The following PKHD1 variants were observed in gnomAD, a reference collection of about 807,000 sequenced individuals.
PKHD1 encodes fibrocystin.
Under a neutral mutation model 412.0 loss-of-function variants are expected in PKHD1, and 291 were observed. That is an observed-to-expected ratio of 0.71 (90% CI 0.64 to 0.78). PKHD1 has a LOEUF of 0.78. PKHD1 is among the 30% of genes least tolerant of loss of function. The pLI, the probability that PKHD1 is intolerant of heterozygous loss-of-function variation, is 0.00. For missense variants in PKHD1, 4,825 were observed against 4,950.7 expected (o/e 0.97, Z 0.76); for synonymous variants, 1,777 against 1,821.5 (o/e 0.98, Z 0.62).
intron 1 of PKHD1, among the ~76,000 whole-genome samples, chr6:52,085,897 G>T (rs1812701259): frequency 6.6e-6 from 1 of 152,028 alleles, no homozygotes; most frequent in Non-Finnish European, 1.5e-5. Flanking sequence ...GCACCTCATG[G>T]CAGAGGGCAT....
At chr6:51,919,948 G>A (rs1166111888) in intron 37 of PKHD1, among the ~76,000 whole-genome samples, 4 of 152,228 alleles carry the variant, frequency 2.6e-5, no homozygotes. Context: ...TGGTGTATAA[G>A]AATGCTTGTG....
At chr6:52,038,012 G>C (rs1804210738) in intron 27 of PKHD1, among the ~76,000 whole-genome samples, 1 of 152,114 alleles carries the variant, frequency 6.6e-6, no homozygotes, top group East Asian at 1.9e-4. Flanking sequence ...GATCTTAGCA[G>C]ATGTAATTAA....
Position 52,024,591 on chromosome 6 carries a change from G to A in PKHD1, c.5219C>T (p.Ala1740Val). 6.2e-7 allele frequency: 1 copy of A among 1,614,066 alleles called. No homozygotes were observed. Among genetic ancestry groups the A allele is most frequent in the Non-Finnish European group, 8.5e-7 (1 of 1,179,970 alleles). ...LVFTSRVIIT[A>V]VTENFGCLGG... ...TGACTTACCGAAGTTCTCCGTCACT[G>A]CTGTAATAATAACTCTTGAGGTGAA... Residue 1740 changes from alanine to valine, a missense_variant, in exon 32 of 67, where the codon GCA becomes GTA. Transcript: ENST00000371117.
chr6:52,033,085 G>C lies in PKHD1; in HGVS notation c.3309C>G (p.Val1103=), dbSNP rs2128163422. The part of the protein sequence containing the change: ...SAVLPRAFTY[V]SSLNPVIVTL... ...TCACAATAACTGGATTTAAGGAAGA[G>C]ACATATGTAAATGCTCTGGGAAGAA... Residue 1103 remains valine (V), a synonymous_variant, in exon 29 of 67, where the codon GTC becomes GTG. Transcript: ENST00000371117. 1 of 1,611,164 alleles carries C rather than the reference G, an allele frequency of 6.2e-7. No individual in the cohort carries two copies. Among genetic ancestry groups the C allele is most frequent in the Non-Finnish European group, 8.5e-7 (1 of 1,177,422 alleles).
In PKHD1 at chr6:51,616,874, G is replaced by A. The variant is rs1766113276; in HGVS notation, c.*2207C>T. The A allele has an allele frequency of 5.1e-6, 2 of 389,692 alleles. No individual in the cohort carries two copies. The highest frequency in any genetic ancestry group is 7.2e-5 in the East Asian group (2 of 27,640). The allele number at this position is 389,692 out of a possible 1,614,324, so 24.1% of individuals were successfully genotyped here. A position where few individuals can be genotyped will look rare whatever the true frequency, so the allele number is the denominator to read the frequency against. Reference sequence around the variant, plus strand: ...ACAGAGCTGGCAGCTAACTCTTTGTGAAGGGCGAAATAGAATGAAGAGTCA... The same window carrying A: ...ACAGAGCTGGCAGCTAACTCTTTGTAAAGGGCGAAATAGAATGAAGAGTCA... On this transcript the variant is annotated 3_prime_UTR_variant, in exon 67 of 67. Coordinates refer to ENST00000371117, the MANE Select transcript of PKHD1 (RefSeq NM_138694.4).
Position 51,887,151 on chromosome 6 carries a change from A to G in PKHD1, c.7091T>C (p.Ile2364Thr), listed in dbSNP as rs76260483. Reference sequence around the variant, plus strand: ...AAGTTACCTGGTACAAGAATGTGCAATGTTCTGAGTGAAGGAAAGAAGCGG... The same window carrying G: ...AAGTTACCTGGTACAAGAATGTGCAGTGTTCTGAGTGAAGGAAAGAAGCGG... ...QAPLLSFTQNIAHSCTRYGLF... is the reference protein window; with the variant it reads ...QAPLLSFTQNTAHSCTRYGLF... Residue 2364 changes from isoleucine to threonine, a missense_variant, in exon 44 of 67, where the codon ATT becomes ACT. Transcript: ENST00000371117. 2.9e-5 allele frequency: 46 copies of G among 1,609,160 alleles called. No individual in the cohort carries two copies. Among genetic ancestry groups the G allele is most frequent in the Non-Finnish European group, 3.7e-5 (43 of 1,175,406 alleles).
At position 52,025,030 on chromosome 6, in the gene PKHD1, C is replaced by T. The variant is rs760267666; in HGVS notation, c.4780G>A (p.Glu1594Lys). Residue 1594 changes from glutamate (E) to lysine (K), a missense_variant, in exon 32 of 67, where the codon GAG becomes AAG. Glu to Lys is a moderately conservative substitution (Grantham distance 56). Transcript: ENST00000371117. ...SLHGGSLLTI[E>K]GTGLRGQNTT... ...TTCTGTCCTCTCAGGCCTGTGCCCTCTATGGTCAAGAGGCTTCCACCATGT... is the reference window on the plus strand; with the variant it reads ...TTCTGTCCTCTCAGGCCTGTGCCCTTTATGGTCAAGAGGCTTCCACCATGT... 3 of 1,614,130 alleles carry T rather than the reference C, an allele frequency of 1.9e-6. No individual in the cohort carries two copies. The highest frequency in any genetic ancestry group is 2.5e-6 in the Non-Finnish European group (3 of 1,180,004).
chr6:51,988,955 C>A lies in PKHD1; in HGVS notation c.5751+21354G>T, dbSNP rs1583743959. On this transcript the variant is annotated intron_variant, in intron 35 of 66. Coordinates refer to ENST00000371117, the MANE Select transcript of PKHD1 (RefSeq NM_138694.4). ...CACAGCACTAGCTATAGAAAATCAACAACATAAGGCCAGGGGCTCACATTG... is the reference window on the plus strand; with the variant it reads ...CACAGCACTAGCTATAGAAAATCAAAAACATAAGGCCAGGGGCTCACATTG... Among the ~76,000 whole-genome samples, 3 of 152,336 alleles carry A rather than the reference C, an allele frequency of 2.0e-5. No individual in the cohort carries two copies. The Middle Eastern group carries it at 0.01, about 518-fold the overall frequency.
chr6:51,694,064 C>T (rs1017928280), intron 60 of PKHD1, among the ~76,000 whole-genome samples: 7 of 152,064 alleles, frequency 4.6e-5, no homozygotes, highest in Admixed American at 1.3e-4. Flanking sequence ...ACCCCATTCC[C>T]GCCTCTCTTA....
intron 55 of PKHD1, among the ~76,000 whole-genome samples, chr6:51,770,796 G>T (rs1235150626): frequency 6.6e-6 from 1 of 151,860 alleles, no homozygotes; most frequent in Non-Finnish European, 1.5e-5. Flanking sequence ...AATTTTGAAT[G>T]GTGAAGATTC....
intron 2 of PKHD1, among the ~76,000 whole-genome samples, chr6:52,084,136 T>C (rs1812420654): frequency 6.6e-6 from 1 of 152,222 alleles, no homozygotes; most frequent in African/African-American, 2.4e-5. Context: ...GCAAAAATCA[T>C]GCAGCTGCTC....
intron 49 of PKHD1, among the ~76,000 whole-genome samples, chr6:51,850,886 A>C (rs1026752472): frequency 1.3e-5 from 2 of 152,004 alleles, no homozygotes; most frequent in African/African-American, 2.4e-5. Flanking sequence ...AATGCCCTTT[A>C]TTTCTTTCTC....
chr6:51,660,909 TC>T (rs1204372068), intron 60 of PKHD1, among the ~76,000 whole-genome samples: 4 of 152,110 alleles, frequency 2.6e-5, no homozygotes, highest in African/African-American at 9.7e-5. Context: ...TCAGACTCTC[TC>T]CCTTCCCCTG....
In PKHD1 at chr6:51,968,736, T is replaced by C. The variant is rs191102804; in HGVS notation, c.5752-8710A>G. Among the ~76,000 whole-genome samples the C allele has an allele frequency of 2.6e-3, 389 of 152,266 alleles. 4 individuals carry two copies. The highest frequency in any genetic ancestry group is 0.012 in the South Asian group (60 of 4,818). On this transcript the variant is annotated intron_variant, in intron 35 of 66. Coordinates refer to ENST00000371117, the MANE Select transcript of PKHD1 (RefSeq NM_138694.4). ...CATGATCCAGGCCAGGTCCATTCCT[T>C]AGACTTAAGTGAAACACATGGAGCC...
intron 29 of PKHD1, among the ~76,000 whole-genome samples, chr6:52,029,935 G>A (rs1034472549): frequency 6.6e-6 from 1 of 152,210 alleles, no homozygotes; most frequent in African/African-American, 2.4e-5. Flanking sequence ...GATAGGGGAG[G>A]AGAAATCCAA....
chr6:52,001,396 T>C (rs1423812915), intron 35 of PKHD1, among the ~76,000 whole-genome samples: 1 of 151,702 alleles, frequency 6.6e-6, no homozygotes, highest in Non-Finnish European at 1.5e-5. Context: ...ATCATACTCT[T>C]GAGAGAAAGA....
At chr6:51,816,342 C>T (rs6931242) in intron 52 of PKHD1, among the ~76,000 whole-genome samples, 140,224 of 152,162 alleles carry the variant, frequency 0.92, 65,746 homozygotes, top group East Asian at 1. Flanking sequence ...ACCCCCATGC[C>T]TCTGTGCTCT....
chr6:51,727,192 T>C (rs1204320923), intron 60 of PKHD1, among the ~76,000 whole-genome samples: 2 of 152,172 alleles, frequency 1.3e-5, no homozygotes, highest in Non-Finnish European at 2.9e-5. Context: ...TAAACTTTTT[T>C]TTCTTATTTT....
intron 37 of PKHD1, among the ~76,000 whole-genome samples, chr6:51,932,655 A>C (rs1786824007): frequency 6.6e-6 from 1 of 152,220 alleles, no homozygotes; most frequent in South Asian, 2.1e-4. Context: ...CTTGCTGATG[A>C]AGATAGGAGG....
Sources: allele counts gnomAD v4.1 joint callset (sites outside exome capture counted in the v4.1 genomes callset), GRCh38; gene constraint gnomAD v4.1.1; transcripts MANE v1.5; gene names NCBI Gene and HGNC (gene_info 2026-07-23, HGNC 2026-07-21).